NEB: variants seen among roughly 807,000 people sequenced by gnomAD.
NEB encodes nemaline myopathy type 2.
A neutral mutation model predicts 952.2 loss-of-function variants in NEB; 512 were observed. The observed-to-expected ratio is 0.54, with a 90% confidence interval of 0.50 to 0.58. NEB has a LOEUF of 0.58. Among genes scored for constraint, NEB ranks in the 20% least tolerant of loss-of-function variants. The pLI is 0.00. For synonymous variants in NEB, 2,900 were observed against 3,149.8 expected, an observed-to-expected ratio of 0.92 and a Z score of 2.66; for missense variants, 8,428 against 9,231.1, an observed-to-expected ratio of 0.91 and a Z score of 3.56.
chr2:151,708,403 A>C (rs1235353266), intron 12 of NEB, among the ~76,000 whole-genome samples: 1 of 152,196 alleles, frequency 6.6e-6, no homozygotes, highest in East Asian at 1.9e-4. Flanking sequence ...GAGACCAGAC[A>C]TTGGTAAATC....
rs777375403 is a variant in NEB at position 151,691,911 on chromosome 2, T to C, written c.2164A>G (p.Ile722Val). ...DKGKCYFPQT[I>V]TQEYEAIKKL... ...TTGATTGCTTCATATTCTTGTGTTA[T>C]TGTCTGAGGGAAATAGCATTTTCCT... Residue 722 changes from isoleucine to valine, a missense_variant, in exon 23 of 182, where the codon ATA (isoleucine) becomes GTA (valine). Ile to Val is a conservative substitution (Grantham distance 29, BLOSUM62 3). Coordinates refer to ENST00000397345, the MANE Select transcript of NEB (RefSeq NM_001164508.2). The C allele has an allele frequency of 1.9e-6, 3 of 1,607,100 alleles. No homozygotes were observed. Among genetic ancestry groups the C allele is most frequent in the Middle Eastern group, 1.7e-4 (1 of 6,056 alleles).
At chr2:151,612,589 T>G (rs370068618) in intron 77 of NEB, among the ~76,000 whole-genome samples, 200 bp from the exon 78 acceptor site, 1 of 152,236 alleles carries the variant, frequency 6.6e-6, no homozygotes, top group Non-Finnish European at 1.5e-5. Flanking sequence ...TATTTACTGT[T>G]TTAAAGACTC....
At chr2:151,582,217 GATCAAAGTGTGT>G (rs1270449166) in intron 102 of NEB, among the ~76,000 whole-genome samples, 31 of 43,430 alleles carry the variant, frequency 7.1e-4, no homozygotes, top group East Asian at 1.4e-3. Flanking sequence ...CTCCAAATGT[GATCAAAGTGTGT>G]ATCAGGGTGT....
chr2:151,502,795 A>T lies in NEB; in HGVS notation c.23926T>A (p.Ser7976Thr), dbSNP rs2065743787. The part of the protein sequence containing the change: ...RVKRNQENFS[S>T]ILYKENLSKG... ...TTTTTTGGCCCCCTAAGAAATACCGAGCTAAAGTTCTCTTGATTGCGTTTG... is the reference window on the plus strand; with the variant it reads ...TTTTTTGGCCCCCTAAGAAATACCGTGCTAAAGTTCTCTTGATTGCGTTTG... Residue 7976 changes from serine to threonine, a missense_variant and splice_region_variant, in exon 167 of 182, where the codon TCG becomes ACG. Ser to Thr is a moderately conservative substitution (Grantham distance 58). This residue lies in a region of NEB where 3,374 missense variants were observed against 3,651.5 expected (regional missense o/e 0.92). Coordinates refer to ENST00000397345, the MANE Select transcript of NEB (RefSeq NM_001164508.2). The T allele has an allele frequency of 6.3e-7, 1 of 1,580,790 alleles. No homozygotes were observed. The highest frequency in any genetic ancestry group is 8.7e-7 in the Non-Finnish European group (1 of 1,151,984).
chr2:151,686,560 G>A (rs933719663), intron 27 of NEB, among the ~76,000 whole-genome samples: 1 of 152,072 alleles, frequency 6.6e-6, no homozygotes, highest in Non-Finnish European at 1.5e-5. Context: ...GAAAATTACA[G>A]AATTAGAAGT....
In NEB at chr2:151,514,808, TG is replaced by T; in HGVS notation, c.23016+9del. The T allele has an allele frequency of 6.5e-7, 1 of 1,533,826 alleles. No individual in the cohort carries two copies. The highest frequency in any genetic ancestry group is 2.4e-5 in the East Asian group (1 of 42,128). ...ATTAAGAGGGAAAGAAAAGACCAAG[TG>T]GGCACTACCTCGCTTGCTATTTTAG... On this transcript the variant is annotated intron_variant, in intron 158 of 181. Coordinates refer to ENST00000397345, the MANE Select transcript of NEB (RefSeq NM_001164508.2).
At chr2:151,486,110 G>A (rs1433888282) in intron 181 of NEB, among the ~76,000 whole-genome samples, 177 bp from the exon 182 acceptor site, 2 of 152,142 alleles carry the variant, frequency 1.3e-5, no homozygotes, top group African/African-American at 4.8e-5. Context: ...TGCAAGTCAT[G>A]TATCTGATAG....
intron 68 of NEB, 112 bp from the exon 69 acceptor site, chr2:151,627,946 G>T (rs1189366533): frequency 4.5e-6 from 6 of 1,337,212 alleles, no homozygotes; most frequent in Admixed American, 5.0e-5. Context: ...AGTAATGAAA[G>T]AATCTGCATA....
At chr2:151,564,242 C>T (rs779663323) in intron 117 of NEB, among the ~76,000 whole-genome samples, 31 of 152,088 alleles carry the variant, frequency 2.0e-4, no homozygotes, top group Non-Finnish European at 1.8e-4. Flanking sequence ...GCAAACTCTA[C>T]CTCCTGGGTT....
intron 71 of NEB, among the ~76,000 whole-genome samples, chr2:151,624,579 G>A (rs1273906005): frequency 6.6e-6 from 1 of 152,114 alleles, no homozygotes; most frequent in Non-Finnish European, 1.5e-5. Context: ...TGGAGAAAGT[G>A]AAATCATACC....
At position 151,526,073 on chromosome 2, in the gene NEB, G is replaced by T. The variant is rs201732664; in HGVS notation, c.22051-5C>A. ...GACATGGTCCTTGTACTTGTTCTGG[G>T]GGAATCCATAGAGAGCTCATTAAGG... On this transcript the variant is annotated splice_polypyrimidine_tract_variant and splice_region_variant and intron_variant, in intron 149 of 181. Coordinates refer to ENST00000397345, the MANE Select transcript of NEB (RefSeq NM_001164508.2). 1 of 1,613,340 alleles carries T rather than the reference G, an allele frequency of 6.2e-7. No homozygotes were observed. Among genetic ancestry groups the T allele is most frequent in the Non-Finnish European group, 8.5e-7 (1 of 1,179,404 alleles).
Position 151,697,207 on chromosome 2 carries a change from A to G in NEB, c.1411T>C (p.Phe471Leu), listed in dbSNP as rs773028666. 1.9e-6 allele frequency: 3 copies of G among 1,613,856 alleles called. No homozygotes were observed. The Admixed American group carries it at 5.0e-5, about 27-fold the overall frequency. The change falls in exon 16 of 182, where the codon TTC (phenylalanine) becomes CTC (leucine). Residue 471 changes from phenylalanine (F) to leucine (L), a missense_variant. By Grantham distance (22) the Phe-to-Leu change is conservative. Transcript: ENST00000397345. The stretch of plus-strand genomic sequence containing the variant: ...TATTCTTGAGTTATGGTCTGAGGGA[A>G]GAAGCCTTTGCCTCTGTCTTCTTCG... ...EYEEDRGKGF[F>L]PQTITQEYEA...
Position 151,725,499 on chromosome 2 carries a change from G to T in NEB, c.356C>A (p.Thr119Asn). 1 of 1,613,642 alleles carries T rather than the reference G, an allele frequency of 6.2e-7. No homozygotes were observed. The highest frequency in any genetic ancestry group is 8.5e-7 in the Non-Finnish European group (1 of 1,179,690). Residue 119 changes from threonine (T) to asparagine (N), a missense_variant, in exon 6 of 182, where the codon ACT becomes AAT. Physicochemically the swap from Thr to Asn is moderately conservative, Grantham distance 65 (BLOSUM62 0). This residue lies in a region of NEB where 2,851 missense variants were observed against 2,791.5 expected (regional missense o/e 1.02). Transcript: ENST00000397345. ...TTTTTTGATTCTGCGAAGTTCTGGA[G>T]TATCTGTTGTGCTGGCGTATGGCTG... ...KGQPYASTTD[T>N]PELRRIKKVQ...
At chr2:151,609,173 A>G (rs959445056) in intron 81 of NEB, among the ~76,000 whole-genome samples, 8 of 151,254 alleles carry the variant, frequency 5.3e-5, no homozygotes, top group African/African-American at 1.7e-4. Flanking sequence ...AGCCTGGGCA[A>G]CGAGAGTGAA....
chr2:151,722,393 A>G (rs191308706), intron 9 of NEB, among the ~76,000 whole-genome samples: 43 of 152,318 alleles, frequency 2.8e-4, no homozygotes, highest in African/African-American at 1.0e-3. Flanking sequence ...TTCCTCTAAC[A>G]TACAGTTTTC....
rs1018634037 is a variant in NEB at position 151,684,718 on chromosome 2, A to G, written c.2835+60T>C. On this transcript the variant is annotated intron_variant, in intron 28 of 181. Transcript: ENST00000397345. ...AAGTGCAAAAACCTCACTCAACTTC[A>G]AAGTCCATTTCAGTTTCCATCTTTT... 2.1e-6 allele frequency: 3 copies of G among 1,422,398 alleles called. No individual in the cohort carries two copies. The African/African-American group carries it at 4.3e-5, about 20-fold the overall frequency. 88.1% of individuals were successfully genotyped at this position (1,422,398 alleles called of 1,614,324 possible). A position where few individuals can be genotyped will look rare whatever the true frequency, so the allele number is the denominator to read the frequency against.
chr2:151,627,545 T>C lies in NEB; in HGVS notation c.10121A>G (p.Gln3374Arg). 1 of 1,613,986 alleles carries C rather than the reference T, an allele frequency of 6.2e-7. No homozygotes were observed. Among genetic ancestry groups the C allele is most frequent in the Non-Finnish European group, 8.5e-7 (1 of 1,179,844 alleles). The change falls in exon 69 of 182, where the codon CAG becomes CGG. Residue 3374 changes from glutamine (Q) to arginine (R), a missense_variant. Coordinates refer to ENST00000397345, the MANE Select transcript of NEB (RefSeq NM_001164508.2). ...PDQNDVIHAR[Q>R]AYDLQSDNIY... ...CACATCGCTCTGGAGGTCATAGGCC[T>C]GCCGAGCATGGATGACATCATTCTG...
intron 153 of NEB, among the ~76,000 whole-genome samples, chr2:151,523,169 T>A (rs1028705569): frequency 1.3e-5 from 2 of 152,246 alleles, no homozygotes; most frequent in African/African-American, 2.4e-5. Flanking sequence ...TCTTAGAGAT[T>A]CCACTGTTTT....
intron 23 of NEB, among the ~76,000 whole-genome samples, chr2:151,691,602 T>C (rs976833902): frequency 6.6e-6 from 1 of 152,200 alleles, no homozygotes; most frequent in Non-Finnish European, 1.5e-5. Flanking sequence ...TTATCTTAAA[T>C]CTGCATGTCC....
Sources: gnomAD v4.1 joint callset for allele counts (sites outside exome capture counted in the v4.1 genomes callset) on GRCh38, gnomAD v4.1.1 for gene constraint, gnomAD v4.1.1 regional missense constraint, MANE v1.5 for transcripts, NCBI Gene and HGNC (gene_info 2026-07-23, HGNC 2026-07-21) for gene names.